The following ABCC5 variants were observed in gnomAD, a reference collection of about 807,000 sequenced individuals.
ABCC5 encodes the protein ATP-binding cassette sub-family C member 5.
A neutral mutation model predicts 160.9 loss-of-function variants in ABCC5; 61 were observed. The ratio of observed to expected loss-of-function variants is 0.38; its 90% CI spans 0.31 to 0.47. The LOEUF (loss-of-function observed/expected upper bound fraction) is 0.47, where lower values mean the gene tolerates loss of function less well. Among genes scored for constraint, ABCC5 ranks in the 20% least tolerant of loss-of-function variants. ABCC5 has a pLI of 0.99. For synonymous variants in ABCC5, 666 were observed against 700.6 expected (o/e 0.95, Z 0.78); for missense variants, 1,308 against 1,813.3 (o/e 0.72, Z 5.06).
chr3:183,967,537 A>C, intron 12 of ABCC5, 158 bp downstream of exon 12: 1 of 660,876 alleles, frequency 1.5e-6, no homozygotes, highest in Non-Finnish European at 2.7e-6. Flanking sequence ...GTGAAGGGGG[A>C]GAACTGGGGG....
rs1274611872 is a variant in ABCC5 at position 183,951,949 on chromosome 3, T to C, written c.2722A>G (p.Asn908Asp). 6.2e-7 allele frequency: 1 copy of C among 1,613,446 alleles called. No individual in the cohort carries two copies. Among genetic ancestry groups the C allele is most frequent in the Non-Finnish European group, 8.5e-7 (1 of 1,179,542 alleles). Reference protein sequence around the residue: ...ETSVSDSMKDNPHMQYYASIY... With the variant: ...ETSVSDSMKDDPHMQYYASIY... ...CTGGCATAGTACTGCATATGAGGAT[T>C]GTCCTTCATGCTGTCACTCACCGAG... The change falls in exon 19 of 30, where the codon AAT (asparagine) becomes GAT (aspartate). Residue 908 changes from asparagine to aspartate, a missense_variant. Asn to Asp is a conservative substitution (Grantham distance 23). Around this residue, in one of 3 missense-constraint regions of ABCC5, gnomAD observed 1,142 missense variants for 1,527.1 expected, o/e 0.75. Coordinates refer to ENST00000334444, the MANE Select transcript of ABCC5 (RefSeq NM_005688.4). This position sits in a 1 kb window ranked among gnomAD's most constrained non-coding sequence, Gnocchi z 4.7.
chr3:183,972,230 G>A (rs1717818740), intron 10 of ABCC5, among the ~76,000 whole-genome samples: 1 of 152,132 alleles, frequency 6.6e-6, no homozygotes, highest in Non-Finnish European at 1.5e-5. Context: ...TGACTGGCAC[G>A]TAGCCCCTTG....
At position 183,951,800 on chromosome 3, in the gene ABCC5, C is replaced by G. The variant is rs570501258; in HGVS notation, c.2814+57G>C. On this transcript the variant is annotated intron_variant, in intron 19 of 29. Transcript: ENST00000334444. The surrounding 1 kb of genome is among the most constrained non-coding windows in gnomAD (Gnocchi z 4.7). ...CAGCATGAACTGAGAGACGCCACACCAAAGCCTGACCACAGGTCACCAGGG... is the reference window on the plus strand; with the variant it reads ...CAGCATGAACTGAGAGACGCCACACGAAAGCCTGACCACAGGTCACCAGGG... The G allele has an allele frequency of 2.4e-4, 384 of 1,589,578 alleles. 4 individuals carry two copies. The South Asian group carries it at 4.1e-3, about 17-fold the overall frequency.
chr3:183,985,693 T>C, intron 5 of ABCC5: 1 of 402,422 alleles, frequency 2.5e-6, no homozygotes, highest in Non-Finnish European at 4.7e-6. Context: ...TCTCTGTAAG[T>C]GTAGCAATGT....
intron 26 of ABCC5, among the ~76,000 whole-genome samples, chr3:183,930,031 G>A (rs571434152): frequency 9.4e-6 from 1 of 106,816 alleles, no homozygotes; most frequent in Admixed American, 9.2e-5. Context: ...CAGTAATTTT[G>A]GACGGCTTGT....
At chr3:183,923,937 G>A (rs1008933083) in intron 29 of ABCC5, among the ~76,000 whole-genome samples, 7 of 151,274 alleles carry the variant, frequency 4.6e-5, no homozygotes, top group African/African-American at 1.2e-4. Context: ...CTGGCAGTGC[G>A]GTTGCTGGCC....
chr3:183,989,501 A>G (rs1324524903), intron 2 of ABCC5, 118 bp from the exon 3 acceptor site: 2 of 1,053,570 alleles, frequency 1.9e-6, no homozygotes, highest in Non-Finnish European at 2.7e-6. Context: ...AGAAATTCCA[A>G]GCAAGGGTCA....
chr3:183,992,818 A>C (rs1159239018), intron 2 of ABCC5, among the ~76,000 whole-genome samples: 1 of 152,122 alleles, frequency 6.6e-6, no homozygotes, highest in African/African-American at 2.4e-5. Flanking sequence ...AAAAAATAAA[A>C]GAAGAAAAAG....
At chr3:184,001,242 G>T (rs1720720500) in intron 2 of ABCC5, 1 of 534,188 alleles carries the variant, frequency 1.9e-6, no homozygotes, top group Non-Finnish European at 3.4e-6. Context: ...GACAGAGTGA[G>T]ACTCTGACTC....
At chr3:183,989,805 GT>G in intron 2 of ABCC5, among the ~76,000 whole-genome samples, 1 of 151,972 alleles carries the variant, frequency 6.6e-6, no homozygotes, top group East Asian at 1.9e-4. Context: ...TCCGCTCTTT[GT>G]TTTTTTGGGT....
At chr3:183,959,640 A>T in intron 17 of ABCC5, 93 bp downstream of exon 17, 1 of 956,208 alleles carries the variant, frequency 1.0e-6, no homozygotes, top group Non-Finnish European at 1.6e-6. Context: ...TATTGTACAC[A>T]CACTGCTATC....
intron 24 of ABCC5, 22 bp from the exon 25 acceptor site, chr3:183,942,938 G>A (rs753868070): frequency 2.5e-5 from 40 of 1,585,914 alleles, no homozygotes; most frequent in Non-Finnish European, 3.2e-5. Flanking sequence ...AGGGTGGCCA[G>A]TTCAGACTGA....
chr3:184,014,275 T>C lies in ABCC5; in HGVS notation c.118A>G (p.Arg40Gly). The change falls in exon 2 of 30, where the codon AGA becomes GGA. Residue 40 changes from arginine (R) to glycine (G), a missense_variant. By Grantham distance (125) the Arg-to-Gly change is moderately radical. Coordinates refer to ENST00000334444, the MANE Select transcript of ABCC5 (RefSeq NM_005688.4). ...GAAAGGAAACTGACCGGTCGAGTTCTCCTGAACTTGGAATCTTCACGGTCT... is the reference window on the plus strand; with the variant it reads ...GAAAGGAAACTGACCGGTCGAGTTCCCCTGAACTTGGAATCTTCACGGTCT... Reference protein sequence around the residue: ...HRDREDSKFRRTRPLECQDAL... With the variant: ...HRDREDSKFRGTRPLECQDAL... The C allele has an allele frequency of 1.9e-6, 3 of 1,613,896 alleles. No individual in the cohort carries two copies. Among genetic ancestry groups the C allele is most frequent in the Non-Finnish European group, 2.5e-6 (3 of 1,179,918 alleles).
chr3:183,999,073 G>A (rs1181456106), intron 2 of ABCC5, among the ~76,000 whole-genome samples: 1 of 146,618 alleles, frequency 6.8e-6, no homozygotes, highest in East Asian at 2.0e-4. Flanking sequence ...CTGTGTGACA[G>A]AGGGAGACTC....
intron 24 of ABCC5, among the ~76,000 whole-genome samples, chr3:183,943,226 C>T (rs537119821): frequency 2.6e-5 from 4 of 152,262 alleles, no homozygotes; most frequent in South Asian, 4.2e-4. Flanking sequence ...AAAACCAACA[C>T]GGGCAGACAT....
intron 25 of ABCC5, among the ~76,000 whole-genome samples, chr3:183,939,419 C>T (rs879561046): frequency 1.3e-5 from 2 of 152,074 alleles, no homozygotes; most frequent in Non-Finnish European, 2.9e-5. Flanking sequence ...GGCGACAGAA[C>T]GAGACTCTGT....
At position 183,967,347 on chromosome 3, in the gene ABCC5, C is replaced by T. The variant is rs1484522184; in HGVS notation, c.1833+348G>A. 19 of 260,320 alleles carry T rather than the reference C, an allele frequency of 7.3e-5. No homozygotes were observed. The Admixed American group carries it at 7.9e-4, about 11-fold the overall frequency. 16.1% of individuals were successfully genotyped at this position (260,320 alleles called of 1,614,324 possible). On this transcript the variant is annotated intron_variant, in intron 12 of 29. Coordinates refer to ENST00000334444, the MANE Select transcript of ABCC5 (RefSeq NM_005688.4). ...CTTTACAGGTTAACTCTGTTGGCAG[C>T]GCTGCAGTGTAGGGTGTCTGCTCAT...
chr3:184,010,083 G>T, intron 2 of ABCC5: 1 of 316,740 alleles, frequency 3.2e-6, no homozygotes, highest in South Asian at 2.7e-5. Flanking sequence ...AAGGCAGGCG[G>T]ATCACTTGAG....
chr3:183,930,751 C>T (rs764401529), intron 26 of ABCC5, among the ~76,000 whole-genome samples: 2 of 152,200 alleles, frequency 1.3e-5, no homozygotes, highest in Admixed American at 1.3e-4. Context: ...GGTTCAGTGG[C>T]AGCATGGCCC....
Sources: gnomAD v4.1 joint callset for allele counts (sites outside exome capture counted in the v4.1 genomes callset) on GRCh38, gnomAD v4.1.1 for gene constraint, gnomAD v4.1.1 regional missense constraint, Gnocchi (gnomAD v3.1) non-coding constraint, MANE v1.5 for transcripts, NCBI Gene and HGNC (gene_info 2026-07-23, HGNC 2026-07-21) for gene names.